FTO: variants seen among roughly 807,000 people sequenced by gnomAD.
The protein encoded by FTO is alpha-ketoglutarate-dependent dioxygenase FTO.
In FTO, 47 loss-of-function variants were observed where a neutral mutation model predicts 63.9. That is an observed-to-expected ratio of 0.74 (90% CI 0.58 to 0.94). The LOEUF is 0.94. FTO is among the 40% of genes least tolerant of loss of function. The probability of loss-of-function intolerance (pLI) is 0.00; values close to 1 mark genes in which losing one functional copy is unlikely to be tolerated. For synonymous variants in FTO, 207 were observed against 224.4 expected, an observed-to-expected ratio of 0.92 and a Z score of 0.69; for missense variants, 562 against 618.1, an observed-to-expected ratio of 0.91 and a Z score of 0.96.
intron 1 of FTO, among the ~76,000 whole-genome samples, chr16:53,788,051 C>A (rs1424937908): frequency 6.6e-6 from 1 of 152,012 alleles, no homozygotes; most frequent in Non-Finnish European, 1.5e-5. Flanking sequence ...TGTTGAAGAT[C>A]AACAAGAAAA....
At chr16:53,880,209 C>T (rs1198951734) in intron 6 of FTO, among the ~76,000 whole-genome samples, 2 of 152,048 alleles carry the variant, frequency 1.3e-5, no homozygotes, top group Admixed American at 6.6e-5. Context: ...GTTGGCCAGG[C>T]TGGTCTCGAA....
intron 8 of FTO, among the ~76,000 whole-genome samples, chr16:54,078,685 T>A (rs2144498838): frequency 6.6e-6 from 1 of 152,258 alleles, no homozygotes; most frequent in Non-Finnish European, 1.5e-5. Flanking sequence ...CAATAGTGAT[T>A]AAGATGAAGA....
At chr16:53,712,971 A>G (rs570530959) in intron 1 of FTO, among the ~76,000 whole-genome samples, 1 of 148,224 alleles carries the variant, frequency 6.7e-6, no homozygotes, top group Non-Finnish European at 1.5e-5. Flanking sequence ...CCGTTTTGTC[A>G]TTCACCATTT....
intron 7 of FTO, among the ~76,000 whole-genome samples, chr16:53,922,486 A>T (rs1005101111): frequency 6.6e-6 from 1 of 152,250 alleles, no homozygotes; most frequent in Non-Finnish European, 1.5e-5. Context: ...AAAATGTCAT[A>T]TAAGTATTTT....
At chr16:53,764,475 CAA>C (rs56906281) in intron 1 of FTO, among the ~76,000 whole-genome samples, 6 of 118,694 alleles carry the variant, frequency 5.1e-5, no homozygotes, top group Admixed American at 2.8e-4. Context: ...ACTAAAAATA[CAA>C]AAAAAAAAAA....
intron 8 of FTO, among the ~76,000 whole-genome samples, chr16:54,062,347 T>C (rs1333054638): frequency 6.6e-6 from 1 of 152,158 alleles, no homozygotes; most frequent in Non-Finnish European, 1.5e-5. Flanking sequence ...TCTTCTGAAC[T>C]GGGTATTGTA....
At chr16:53,780,837 A>G (rs1191148905) in intron 1 of FTO, among the ~76,000 whole-genome samples, 2 of 152,158 alleles carry the variant, frequency 1.3e-5, no homozygotes, top group African/African-American at 4.8e-5. Flanking sequence ...ATAAAATGGA[A>G]ATATTATTAT....
chr16:53,735,140 G>T (rs537726595), intron 1 of FTO, among the ~76,000 whole-genome samples: 3 of 152,324 alleles, frequency 2.0e-5, no homozygotes, highest in African/African-American at 7.2e-5. Flanking sequence ...CTGGAAATGA[G>T]ATTTTTATCT....
intron 1 of FTO, among the ~76,000 whole-genome samples, chr16:53,806,532 A>C (rs1365841915): frequency 6.6e-6 from 1 of 152,202 alleles, no homozygotes; most frequent in Admixed American, 6.5e-5. Context: ...TTTTTAGTTC[A>C]TAAACAGAGA....
rs1195404475 is a variant in FTO at position 54,077,515 on chromosome 16, C to T, written c.1365-34247C>T. Among the ~76,000 whole-genome samples the T allele has an allele frequency of 3.9e-5, 6 of 152,118 alleles. No individual in the cohort carries two copies. The South Asian group carries it at 6.2e-4, about 16-fold the overall frequency. ...AAAGGCCCAGTAGTCATCCTGAAGC[C>T]GCCTCCCCCACCAAGCTACTAACAT... On this transcript the variant is annotated intron_variant, in intron 8 of 8. Coordinates refer to ENST00000471389, the MANE Select transcript of FTO (RefSeq NM_001080432.3).
At chr16:53,745,229 T>A (rs2076623224) in intron 1 of FTO, among the ~76,000 whole-genome samples, 1 of 152,198 alleles carries the variant, frequency 6.6e-6, no homozygotes, top group Admixed American at 6.5e-5. Context: ...TGCTAATGAA[T>A]AATTCCCTTT....
rs59195557 is a variant in FTO at position 53,976,457 on chromosome 16, GT to G, written c.1364+42357del. 6.6e-5 allele frequency among the ~76,000 whole-genome samples: 10 copies of G among 150,738 alleles called. No homozygotes were observed. In the East Asian group the frequency reaches 1.2e-3, roughly 18 times the overall value. On this transcript the variant is annotated intron_variant, in intron 8 of 8. Transcript: ENST00000471389. ...AAATTTGCAGAAATTTATGTGTCAG[GT>G]TTTTTTTTGCCTAATTACCAAAACT... is the stretch of plus-strand genomic sequence containing the variant.
intron 8 of FTO, among the ~76,000 whole-genome samples, chr16:54,097,604 A>G (rs544154398): frequency 5.3e-5 from 8 of 152,358 alleles, no homozygotes; most frequent in African/African-American, 1.9e-4. Flanking sequence ...GATGCTTTCA[A>G]TCCCTTGTGC....
At chr16:53,865,060 C>T (rs1258336265) in intron 4 of FTO, among the ~76,000 whole-genome samples, 3 of 152,068 alleles carry the variant, frequency 2.0e-5, no homozygotes, top group Non-Finnish European at 2.9e-5. Flanking sequence ...CTTAACAAAC[C>T]TACTCATTAA....
Position 54,035,667 on chromosome 16 carries a change from T to C in FTO, c.1365-76095T>C, listed in dbSNP as rs552263814. Among the ~76,000 whole-genome samples the C allele has an allele frequency of 4.1e-3, 628 of 152,262 alleles. 3 individuals are homozygous for C. Among genetic ancestry groups the C allele is most frequent in the Admixed American group, 8.8e-3 (134 of 15,298 alleles). On this transcript the variant is annotated intron_variant, in intron 8 of 8. Transcript: ENST00000471389. Reference sequence around the variant, plus strand: ...CATTGTCCCAGTGTGTTTCAAGGCCTTTTCAGGGTTTTGACAAAGCAGCCT... The same window carrying C: ...CATTGTCCCAGTGTGTTTCAAGGCCCTTTCAGGGTTTTGACAAAGCAGCCT...
intron 8 of FTO, among the ~76,000 whole-genome samples, chr16:54,105,964 A>G (rs1432080234): frequency 1.3e-5 from 2 of 152,190 alleles, no homozygotes; most frequent in African/African-American, 4.8e-5. Context: ...ATGTTTTCTT[A>G]AAATCAATGG....
intron 6 of FTO, among the ~76,000 whole-genome samples, chr16:53,882,380 A>G (rs2080862367): frequency 6.6e-6 from 1 of 152,140 alleles, no homozygotes; most frequent in Non-Finnish European, 1.5e-5. Flanking sequence ...CAGGAAAAAA[A>G]AAAAAAAACA....
intron 1 of FTO, among the ~76,000 whole-genome samples, chr16:53,793,266 T>C (rs2077975784): frequency 6.6e-6 from 1 of 152,200 alleles, no homozygotes; most frequent in African/African-American, 2.4e-5. Flanking sequence ...CACTCCCTAA[T>C]CTTTATTTCT....
chr16:53,793,648 C>T (rs1212081834), intron 1 of FTO, among the ~76,000 whole-genome samples: 1 of 152,138 alleles, frequency 6.6e-6, no homozygotes, highest in Non-Finnish European at 1.5e-5. Context: ...GGACTAAGTA[C>T]TTTGTTAGAA....
Sources: allele counts gnomAD v4.1 joint callset (sites outside exome capture counted in the v4.1 genomes callset), GRCh38; gene constraint gnomAD v4.1.1; transcripts MANE v1.5; gene names NCBI Gene and HGNC (gene_info 2026-07-23, HGNC 2026-07-21).